The following CFAP210 variants were observed in gnomAD, a reference collection of about 807,000 sequenced individuals.
The protein encoded by CFAP210 is cilia and flagella associated protein 210.
chr2:169,663,742 A>T, the CFAP210 span, among the ~76,000 whole-genome samples: 1 of 152,062 alleles, frequency 6.6e-6, no homozygotes, highest in African/African-American at 2.4e-5. Context: ...GGTAAGAAAA[A>T]GATCACTGTT....
At chr2:169,691,048 G>A in the CFAP210 span, among the ~76,000 whole-genome samples, 2 of 151,966 alleles carry the variant, frequency 1.3e-5, no homozygotes, top group Admixed American at 6.6e-5. Context: ...CATATTTGCT[G>A]GTGCCCTACA....
chr2:169,650,582 T>A, the CFAP210 span: 1 of 1,341,554 alleles, frequency 7.5e-7, no homozygotes, highest in Admixed American at 3.8e-5. Context: ...GGAGCCAACA[T>A]AATTTAATTA....
the CFAP210 span, chr2:169,654,117 C>T: frequency 2.4e-5 from 38 of 1,609,076 alleles, no homozygotes; most frequent in South Asian, 8.9e-5. Context: ...TTGTATAAGA[C>T]GCTTTTTTGC....
the CFAP210 span, chr2:169,645,698 C>T: frequency 9.7e-6 from 6 of 619,476 alleles, no homozygotes; most frequent in Non-Finnish European, 1.4e-5. Flanking sequence ...TTATATATAC[C>T]CAAAAGAAAT....
chr2:169,686,165 G>A, the CFAP210 span, among the ~76,000 whole-genome samples: 4 of 152,174 alleles, frequency 2.6e-5, no homozygotes, highest in Non-Finnish European at 4.4e-5. Context: ...GACTATAGGT[G>A]CACATTCCCA....
At chr2:169,674,157 A>G in the CFAP210 span, among the ~76,000 whole-genome samples, 1 of 152,156 alleles carries the variant, frequency 6.6e-6, no homozygotes, top group Non-Finnish European at 1.5e-5. Context: ...ATCTCTATCA[A>G]TACCATGTGA....
the CFAP210 span, among the ~76,000 whole-genome samples, chr2:169,687,247 C>A: frequency 7.2e-5 from 11 of 152,228 alleles, no homozygotes; most frequent in East Asian, 9.7e-4. Context: ...AATCTCATGT[C>A]CTCACATTTC....
chr2:169,659,036 T>C, the CFAP210 span, among the ~76,000 whole-genome samples: 4 of 152,230 alleles, frequency 2.6e-5, 1 homozygote, highest in Middle Eastern at 6.8e-3. Context: ...GGAGAATCAC[T>C]TAAGCCTGGG....
chr2:169,684,414 C>T, the CFAP210 span, among the ~76,000 whole-genome samples: 3 of 152,180 alleles, frequency 2.0e-5, no homozygotes, highest in African/African-American at 2.4e-5. Context: ...CTATCTAATT[C>T]AGAACACTTT....
At chr2:169,664,041 A>AG in the CFAP210 span, among the ~76,000 whole-genome samples, 1 of 151,176 alleles carries the variant, frequency 6.6e-6, no homozygotes, top group African/African-American at 2.4e-5. Flanking sequence ...AAAAAAAAAA[A>AG]AAAAAAATTT....
the CFAP210 span, among the ~76,000 whole-genome samples, chr2:169,687,310 A>G: frequency 3.9e-5 from 6 of 152,176 alleles, no homozygotes; most frequent in Non-Finnish European, 5.9e-5. Context: ...TCATTTCAGC[A>G]TTAACCCAAA....
At chr2:169,684,796 T>C in the CFAP210 span, among the ~76,000 whole-genome samples, 1 of 152,010 alleles carries the variant, frequency 6.6e-6, no homozygotes, top group African/African-American at 2.4e-5. Context: ...GGGACTACAG[T>C]CATGCACCAC....
At chr2:169,683,905 T>G in the CFAP210 span, among the ~76,000 whole-genome samples, 8 of 152,216 alleles carry the variant, frequency 5.3e-5, no homozygotes, top group African/African-American at 1.9e-4. Context: ...GAAAGGCTTT[T>G]TACTATCTCA....
the CFAP210 span, among the ~76,000 whole-genome samples, chr2:169,655,369 A>G: frequency 6.6e-6 from 1 of 152,184 alleles, no homozygotes; most frequent in African/African-American, 2.4e-5. Context: ...ATCTTCCAAT[A>G]TATTTATAAC....
At chr2:169,647,431 AAATT>A in the CFAP210 span, among the ~76,000 whole-genome samples, 15 of 152,324 alleles carry the variant, frequency 9.8e-5, no homozygotes, top group African/African-American at 3.4e-4. Flanking sequence ...AAGTTCCAAA[AAATT>A]AAGTTTAAAA....
the CFAP210 span, among the ~76,000 whole-genome samples, chr2:169,670,594 G>C: frequency 6.6e-6 from 1 of 152,200 alleles, no homozygotes; most frequent in Admixed American, 6.5e-5. Context: ...CAAGATGTCA[G>C]TTGAAGCAGT....
At chr2:169,663,780 G>C in the CFAP210 span, among the ~76,000 whole-genome samples, 1 of 147,764 alleles carries the variant, frequency 6.8e-6, no homozygotes, top group Non-Finnish European at 1.5e-5. Context: ...GTTTACGATT[G>C]CCCTAAAAAT....
chr2:169,663,373 T>A, the CFAP210 span, among the ~76,000 whole-genome samples: 12 of 152,102 alleles, frequency 7.9e-5, no homozygotes, highest in South Asian at 6.2e-4. Flanking sequence ...TTTAAAAAAA[T>A]TTTTTTCTAT....
the CFAP210 span, among the ~76,000 whole-genome samples, chr2:169,655,743 T>C: frequency 1.2e-4 from 19 of 152,280 alleles, no homozygotes; most frequent in Non-Finnish European, 2.5e-4. Context: ...CTTGGAGACA[T>C]AAAAATTATT....
Sources: allele counts gnomAD v4.1 joint callset (sites outside exome capture counted in the v4.1 genomes callset), GRCh38; gene constraint gnomAD v4.1.1; transcripts MANE v1.5; gene names NCBI Gene and HGNC (gene_info 2026-07-23, HGNC 2026-07-21).